Variants in PTPRQ observed in about 807,000 individuals in gnomAD.
PTPRQ encodes phosphatidylinositol phosphatase PTPRQ.
PTPRQ carries 199 observed loss-of-function variants against 246.0 expected under a neutral mutation model. The ratio of observed to expected loss-of-function variants is 0.81; its 90% CI spans 0.72 to 0.91. PTPRQ has a LOEUF of 0.91. Ranked by LOEUF, PTPRQ falls within the 40% of genes least tolerant of loss-of-function variation. The pLI is 0.00. For missense variants in PTPRQ, 2,624 were observed against 2,528.4 expected (o/e 1.04, Z -0.81); for synonymous variants, 869 against 853.2 (o/e 1.02, Z -0.32).
At chr12:80,546,772 T>C in intron 24 of PTPRQ, 75 bp downstream of exon 24, 3 of 1,480,670 alleles carry the variant, frequency 2.0e-6, no homozygotes, top group Non-Finnish European at 1.8e-6. Context: ...TTAGTTTATA[T>C]GATAAAGTAT....
At chr12:80,559,472 C>T (rs1896762565) in intron 25 of PTPRQ, among the ~76,000 whole-genome samples, 1 of 152,158 alleles carries the variant, frequency 6.6e-6, no homozygotes, top group Admixed American at 6.5e-5. Flanking sequence ...GCTCTAGCAC[C>T]ACTTGATGAA....
intron 17 of PTPRQ, chr12:80,512,546 C>T (rs1044829562): frequency 6.6e-6 from 1 of 152,176 alleles, no homozygotes; most frequent in African/African-American, 2.4e-5. Flanking sequence ...CATTACACCA[C>T]CTCTTAAGAA....
At chr12:80,649,044 A>T in intron 36 of PTPRQ, 121 bp downstream of exon 36, 1 of 922,004 alleles carries the variant, frequency 1.1e-6, no homozygotes, top group Non-Finnish European at 1.5e-6. Context: ...TCCAAGCTGG[A>T]TATAAATCAT....
rs141559114 is a variant in PTPRQ, at chr12:80,651,339, G to A, written c.6025-1405G>A. Among the ~76,000 whole-genome samples, 370 of 152,156 alleles carry A rather than the reference G, an allele frequency of 2.4e-3. 12 individuals are homozygous for A. The highest frequency in any genetic ancestry group is 0.022 in the Admixed American group (337 of 15,254). ...GTATCTTGATGGAGATATGCATGAA[G>A]ATTGAGGATCAAATCTGTTTGTATA... On this transcript the variant is annotated intron_variant, in intron 37 of 44. Coordinates refer to ENST00000644991, the MANE Select transcript of PTPRQ (RefSeq NM_001145026.2).
chr12:80,610,745 A>C, intron 28 of PTPRQ, 120 bp downstream of exon 28: 4 of 1,237,444 alleles, frequency 3.2e-6, no homozygotes, highest in South Asian at 1.9e-5. Flanking sequence ...GCATATAAAC[A>C]AAAAAATTAG....
intron 10 of PTPRQ, among the ~76,000 whole-genome samples, chr12:80,494,464 T>G (rs1273374518): frequency 6.6e-6 from 1 of 152,074 alleles, no homozygotes; most frequent in Non-Finnish European, 1.5e-5. Context: ...TATTTAACTC[T>G]TTTACTAAAA....
At chr12:80,460,103 G>A (rs1292167279) in intron 5 of PTPRQ, among the ~76,000 whole-genome samples, 2 of 151,886 alleles carry the variant, frequency 1.3e-5, no homozygotes, top group Non-Finnish European at 2.9e-5. Context: ...AATCATTTTG[G>A]TAATCTCTGT....
At chr12:80,568,159 G>T (rs1897034205) in intron 25 of PTPRQ, among the ~76,000 whole-genome samples, 1 of 152,002 alleles carries the variant, frequency 6.6e-6, no homozygotes. Context: ...CAAAAATTTT[G>T]TTACAATATT....
intron 25 of PTPRQ, among the ~76,000 whole-genome samples, chr12:80,575,663 A>G (rs934108654): frequency 6.6e-6 from 1 of 151,770 alleles, no homozygotes; most frequent in Non-Finnish European, 1.5e-5. Context: ...AACATGGTGA[A>G]ACCCTGTCTC....
rs71094985 is a variant in PTPRQ at position 80,552,645 on chromosome 12, T to TTATATATATATATA, written c.4285+2947_4285+2960dup. 1.4e-4 allele frequency among the ~76,000 whole-genome samples: 11 copies of TTATATATATATATA among 76,474 alleles called. 1 individual carries two copies. The highest frequency in any genetic ancestry group is 4.5e-4 in the African/African-American group (9 of 20,062). 50.2% of individuals were successfully genotyped at this position (76,474 alleles called of 152,430 possible). On this transcript the variant is annotated intron_variant, in intron 25 of 44. Transcript: ENST00000644991. ...TCCAGGTCTTTGTAAAAAAAAAAAA[T>TTATATATATATATA]TATATATATATATATATATATATAT...
chr12:80,479,355 C>G (rs1893944872), intron 8 of PTPRQ, among the ~76,000 whole-genome samples: 2 of 151,716 alleles, frequency 1.3e-5, no homozygotes, highest in Non-Finnish European at 2.9e-5. Context: ...CAGGCCTGCT[C>G]TAAAAGAGCT....
At chr12:80,608,994 T>A (rs1248971872) in intron 27 of PTPRQ, among the ~76,000 whole-genome samples, 1 of 150,712 alleles carries the variant, frequency 6.6e-6, no homozygotes, top group African/African-American at 2.4e-5. Context: ...ATATTCCTGA[T>A]CAATAGGATT....
chr12:80,554,706 A>T (rs1008532018), intron 25 of PTPRQ, among the ~76,000 whole-genome samples: 6 of 152,258 alleles, frequency 3.9e-5, no homozygotes, highest in Middle Eastern at 3.4e-3. Context: ...CTACAATATG[A>T]TTGACTTGGC....
intron 29 of PTPRQ, among the ~76,000 whole-genome samples, chr12:80,615,054 A>AG (rs1403189370): frequency 1.3e-5 from 2 of 151,034 alleles, no homozygotes; most frequent in African/African-American, 4.8e-5. Context: ...GCATTTAACA[A>AG]GGTGTGCGAA....
chr12:80,544,605 A>G (rs1260123080), intron 23 of PTPRQ, among the ~76,000 whole-genome samples: 1 of 152,004 alleles, frequency 6.6e-6, no homozygotes, highest in African/African-American at 2.4e-5. Context: ...AATTTTCATA[A>G]TCTTATTTGC....
intron 26 of PTPRQ, among the ~76,000 whole-genome samples, chr12:80,601,414 T>G (rs1362699650): frequency 6.6e-6 from 1 of 151,818 alleles, no homozygotes; most frequent in East Asian, 1.9e-4. Flanking sequence ...AAAGCTACCT[T>G]GATCACCTGT....
At chr12:80,619,720 T>C (rs1898906462) in intron 31 of PTPRQ, among the ~76,000 whole-genome samples, 178 bp downstream of exon 31, 1 of 151,638 alleles carries the variant, frequency 6.6e-6, no homozygotes, top group Admixed American at 6.6e-5. Flanking sequence ...ATAAATTATT[T>C]ATTTATTTTA....
chr12:80,521,599 G>C lies in PTPRQ; in HGVS notation c.2678+11156G>C, dbSNP rs1462115013. On this transcript the variant is annotated intron_variant, in intron 17 of 44. Transcript: ENST00000644991. ...TACATATGGCTAGCCAGTTTTCCCA[G>C]CACCATTTATTAAATAGGGAATCCT... 4.6e-5 allele frequency among the ~76,000 whole-genome samples: 7 copies of C among 152,016 alleles called. No homozygotes were observed. The South Asian group carries it at 1.0e-3, about 23-fold the overall frequency.
chr12:80,613,408 T>C (rs939440953), intron 28 of PTPRQ, among the ~76,000 whole-genome samples, 184 bp from the exon 29 acceptor site: 2 of 150,680 alleles, frequency 1.3e-5, no homozygotes, highest in Admixed American at 6.6e-5. Context: ...ACCATTATGG[T>C]TGCTGTGAAT....
Sources: allele counts gnomAD v4.1 joint callset (sites outside exome capture counted in the v4.1 genomes callset), GRCh38; gene constraint gnomAD v4.1.1; transcripts MANE v1.5; gene names NCBI Gene and HGNC (gene_info 2026-07-23, HGNC 2026-07-21).